The following PCDHA5 variants were observed in gnomAD, a reference collection of about 807,000 sequenced individuals.
PCDHA5 encodes the protein protocadherin alpha-5.
A neutral mutation model predicts 61.6 loss-of-function variants in PCDHA5; 43 were observed. The ratio of observed to expected loss-of-function variants is 0.70; its 90% CI spans 0.55 to 0.90. The LOEUF (loss-of-function observed/expected upper bound fraction) is 0.90, where lower values mean the gene tolerates loss of function less well. Among genes scored for constraint, PCDHA5 ranks in the 40% least tolerant of loss-of-function variants. PCDHA5 has a pLI of 0.00. For missense variants in PCDHA5, 1,298 were observed against 1,222.7 expected (o/e 1.06, Z -0.92); for synonymous variants, 627 against 543.9 (o/e 1.15, Z -2.13).
chr5:141,002,877 A>G (rs989540490), intron 3 of PCDHA5, among the ~76,000 whole-genome samples: 1 of 152,252 alleles, frequency 6.6e-6, no homozygotes, highest in Non-Finnish European at 1.5e-5. Context: ...CCTCAAGAAC[A>G]GAAAGAGAAC....
intron 1 of PCDHA5, among the ~76,000 whole-genome samples, chr5:140,921,048 T>C (rs1554200052): frequency 6.6e-6 from 1 of 152,052 alleles, no homozygotes; most frequent in African/African-American, 2.4e-5. Context: ...GGGGCAATCA[T>C]AGCTCACTCT....
chr5:140,900,799 G>T (rs797036955), intron 1 of PCDHA5, among the ~76,000 whole-genome samples: 1 of 152,138 alleles, frequency 6.6e-6, no homozygotes, highest in East Asian at 1.9e-4. Context: ...GTTCTCCATA[G>T]TGCTTGTACT....
rs1246162498 is a variant in PCDHA5, at chr5:140,856,839, A to G, written c.2352+32712A>G. ...AACCAAACATTAGTAATACGGCTCA[A>G]CGCTTCTGATTCGGATGAAGGAATA... is the stretch of plus-strand genomic sequence containing the variant. On this transcript the variant is annotated intron_variant, in intron 1 of 3. Coordinates refer to ENST00000529859, the MANE Select transcript of PCDHA5 (RefSeq NM_018908.3). 1.3e-6 allele frequency: 2 copies of G among 1,592,670 alleles called. No homozygotes were observed. The highest frequency in any genetic ancestry group is 1.3e-5 in the African/African-American group (1 of 74,342).
chr5:140,990,834 A>G (rs1554251782), intron 3 of PCDHA5, among the ~76,000 whole-genome samples: 1 of 152,234 alleles, frequency 6.6e-6, no homozygotes, highest in East Asian at 1.9e-4. Flanking sequence ...AAAGCCTATT[A>G]GCAAAAATAG....
intron 1 of PCDHA5, among the ~76,000 whole-genome samples, chr5:140,896,022 G>A (rs940712653): frequency 6.6e-6 from 1 of 152,136 alleles, no homozygotes; most frequent in East Asian, 1.9e-4. Context: ...TGTTGGCCAG[G>A]CTGGTCTCGA....
chr5:140,841,624 G>C, intron 1 of PCDHA5: 1 of 1,614,152 alleles, frequency 6.2e-7, no homozygotes, highest in Non-Finnish European at 8.5e-7. Flanking sequence ...GGAGCGCGGA[G>C]TGCAGCATCC....
At chr5:140,977,911 A>T (rs2096780139) in intron 1 of PCDHA5, among the ~76,000 whole-genome samples, 1 of 152,002 alleles carries the variant, frequency 6.6e-6, no homozygotes, top group Non-Finnish European at 1.5e-5. Flanking sequence ...TTTATCCCCC[A>T]TTTTTTTCAT....
In PCDHA5 at chr5:140,839,239, T is replaced by C. The variant is rs112328641; in HGVS notation, c.2352+15112T>C. Among the ~76,000 whole-genome samples the C allele has an allele frequency of 2.6e-3, 403 of 152,128 alleles. 5 individuals carry two copies. The highest frequency in any genetic ancestry group is 9.3e-3 in the African/African-American group (387 of 41,468). ...TGTAACTGTAATCTGTTTTTATTGCTTTGCTTTTATGCTTACATGCATGTA... is the reference window on the plus strand; with the variant it reads ...TGTAACTGTAATCTGTTTTTATTGCCTTGCTTTTATGCTTACATGCATGTA... On this transcript the variant is annotated intron_variant, in intron 1 of 3. Transcript: ENST00000529859.
chr5:140,933,937 T>A (rs1369497002), intron 1 of PCDHA5, among the ~76,000 whole-genome samples: 1 of 152,082 alleles, frequency 6.6e-6, no homozygotes. Context: ...GTGACTTTTT[T>A]TCACATCTGC....
chr5:140,828,171 G>A, intron 1 of PCDHA5: 1 of 1,614,150 alleles, frequency 6.2e-7, no homozygotes, highest in Non-Finnish European at 8.5e-7. Context: ...TGGAAGGTGG[G>A]GAGCGGCCAG....
chr5:140,941,341 G>A (rs1413393487), intron 1 of PCDHA5, among the ~76,000 whole-genome samples: 1 of 119,412 alleles, frequency 8.4e-6, no homozygotes, highest in African/African-American at 3.2e-5. Flanking sequence ...TTTTCAGATG[G>A]AGTCTTGCTC....
intron 1 of PCDHA5, chr5:140,857,752 C>A: frequency 6.3e-7 from 1 of 1,597,166 alleles, no homozygotes; most frequent in Non-Finnish European, 8.6e-7. Flanking sequence ...TGGCGTCTCC[C>A]GCTGGCAGCG....
In PCDHA5 at chr5:140,877,219, C is replaced by T. The variant is rs200698690; in HGVS notation, c.2352+53092C>T. 9 of 1,613,720 alleles carry T rather than the reference C, an allele frequency of 5.6e-6. No homozygotes were observed. Among genetic ancestry groups the T allele is most frequent in the East Asian group, 4.5e-5 (2 of 44,860 alleles). Reference sequence around the variant, plus strand: ...AGGCGCAGTTAGCGAGTTGGTACCGCGGTCGGTGGGTGCGGGCCACGTGGT... The same window carrying T: ...AGGCGCAGTTAGCGAGTTGGTACCGTGGTCGGTGGGTGCGGGCCACGTGGT... On this transcript the variant is annotated intron_variant, in intron 1 of 3. Transcript: ENST00000529859.
intron 1 of PCDHA5, among the ~76,000 whole-genome samples, chr5:140,912,874 G>T (rs2076102653): frequency 6.6e-6 from 1 of 152,026 alleles, no homozygotes; most frequent in Non-Finnish European, 1.5e-5. Context: ...TATGGTTTTT[G>T]GTCTTCATTC....
intron 3 of PCDHA5, among the ~76,000 whole-genome samples, chr5:141,006,117 T>C (rs2098255751): frequency 6.6e-6 from 1 of 152,094 alleles, no homozygotes; most frequent in African/African-American, 2.4e-5. Flanking sequence ...TTTTTTTTTT[T>C]TTCTCAAGGC....
At chr5:140,968,263 G>A (rs782272055) in intron 1 of PCDHA5, 20 of 1,613,978 alleles carry the variant, frequency 1.2e-5, no homozygotes, top group Middle Eastern at 3.3e-4. Flanking sequence ...CAGATGAAAA[G>A]GAGAATGCAG....
chr5:140,907,708 C>T (rs1477501652), intron 1 of PCDHA5, among the ~76,000 whole-genome samples: 1 of 152,142 alleles, frequency 6.6e-6, no homozygotes, highest in East Asian at 1.9e-4. Flanking sequence ...TGTTGCTGAG[C>T]CCATGTGTAA....
At chr5:140,926,190 ACTT>A (rs1468050055) in intron 1 of PCDHA5, among the ~76,000 whole-genome samples, 2 of 151,766 alleles carry the variant, frequency 1.3e-5, no homozygotes, top group South Asian at 2.2e-4. Flanking sequence ...CCCCCGCAGC[ACTT>A]CTTTCGGGGG....
intron 3 of PCDHA5, among the ~76,000 whole-genome samples, chr5:141,002,953 T>G (rs2098104496): frequency 1.3e-5 from 2 of 152,230 alleles, no homozygotes; most frequent in Non-Finnish European, 2.9e-5. Context: ...CATGCCCCTC[T>G]GAGAGCTTTC....
Sources: allele counts gnomAD v4.1 joint callset (sites outside exome capture counted in the v4.1 genomes callset), GRCh38; gene constraint gnomAD v4.1.1; transcripts MANE v1.5; gene names NCBI Gene and HGNC (gene_info 2026-07-23, HGNC 2026-07-21).